The following FHIP1A variants were observed in gnomAD, a reference collection of about 807,000 sequenced individuals.
FHIP1A encodes FHF complex subunit HOOK-interacting protein 1A.
Under a neutral mutation model 88.6 loss-of-function variants are expected in FHIP1A, and 61 were observed. The observed-to-expected ratio is 0.69, with a 90% CI of 0.56 to 0.85. The LOEUF (loss-of-function observed/expected upper bound fraction) is 0.85, where lower values mean the gene tolerates loss of function less well. Among genes scored for constraint, FHIP1A ranks in the 40% least tolerant of loss-of-function variants. The pLI is 0.00. For missense variants in FHIP1A, 1,154 were observed against 1,273.5 expected, an observed-to-expected ratio of 0.91 and a Z score of 1.43; for synonymous variants, 478 against 496.0, an observed-to-expected ratio of 0.96 and a Z score of 0.48.
chr4:151,442,561 T>C (rs970436036), intron 1 of FHIP1A, among the ~76,000 whole-genome samples: 2 of 152,150 alleles, frequency 1.3e-5, no homozygotes, highest in Non-Finnish European at 2.9e-5. Flanking sequence ...ACATGACCTT[T>C]TGGTTTTAGG....
chr4:151,562,481 C>A (rs1733211627), intron 3 of FHIP1A, among the ~76,000 whole-genome samples: 2 of 152,164 alleles, frequency 1.3e-5, no homozygotes, highest in Non-Finnish European at 2.9e-5. Flanking sequence ...TATCCATGTT[C>A]ATTGGTTCAT....
At chr4:151,605,742 G>A (rs1735049185) in intron 7 of FHIP1A, among the ~76,000 whole-genome samples, 1 of 152,196 alleles carries the variant, frequency 6.6e-6, no homozygotes, top group South Asian at 2.1e-4. Context: ...CATCCTGCAA[G>A]CTCAATAATT....
rs1288156213 is a variant in FHIP1A at position 151,430,408 on chromosome 4, T to C, written c.-356+20943T>C. Among the ~76,000 whole-genome samples, 3 of 152,376 alleles carry C rather than the reference T, an allele frequency of 2.0e-5. No individual in the cohort carries two copies. The East Asian group carries it at 5.8e-4, about 29-fold the overall frequency. The stretch of plus-strand genomic sequence containing the variant: ...ACAGAACTGGGACCACATTCTTTCA[T>C]TGAAAAGCATCAGGGATTCTTGCCA... On this transcript the variant is annotated intron_variant, in intron 1 of 13. Transcript: ENST00000435205.
At chr4:151,502,401 G>A (rs990340232) in intron 3 of FHIP1A, among the ~76,000 whole-genome samples, 34 of 151,882 alleles carry the variant, frequency 2.2e-4, no homozygotes. Context: ...GGTAATATCA[G>A]TTTAAAAAAA....
At chr4:151,539,240 T>G (rs1489492276) in intron 3 of FHIP1A, among the ~76,000 whole-genome samples, 1 of 152,216 alleles carries the variant, frequency 6.6e-6, no homozygotes, top group African/African-American at 2.4e-5. Flanking sequence ...AGTTACTGTT[T>G]TAAGTTAGAG....
chr4:151,596,737 T>TC (rs1486301628), intron 7 of FHIP1A, among the ~76,000 whole-genome samples: 8 of 152,188 alleles, frequency 5.3e-5, no homozygotes, highest in African/African-American at 1.9e-4. Context: ...ATTCTTTTTT[T>TC]CTCTAATCTT....
intron 3 of FHIP1A, among the ~76,000 whole-genome samples, chr4:151,502,159 A>AAC (rs1436028058): frequency 6.8e-6 from 1 of 147,240 alleles, no homozygotes; most frequent in Non-Finnish European, 1.5e-5. Context: ...CTACAAAAGA[A>AAC]AAAAAAAAAA....
chr4:151,577,934 T>C lies in FHIP1A; in HGVS notation c.590T>C (p.Ile197Thr). The C allele has an allele frequency of 1.3e-6, 2 of 1,551,642 alleles. No individual in the cohort carries two copies. The highest frequency in any genetic ancestry group is 8.7e-7 in the Non-Finnish European group (1 of 1,146,988). Residue 197 changes from isoleucine to threonine, a missense_variant, in exon 5 of 14, where the codon ATC becomes ACC. Ile to Thr is a moderately conservative substitution (Grantham distance 89, BLOSUM62 -1). Coordinates refer to ENST00000435205, the MANE Select transcript of FHIP1A (RefSeq NM_001109977.3). Reference protein sequence around the residue: ...SEDQGAANFLIFSLLIPFIHR... With the variant: ...SEDQGAANFLTFSLLIPFIHR... ...GACCAAGGCGCTGCCAACTTCCTCA[T>C]CTTCTCCCTTCTGATTCCCTTCATT...
intron 1 of FHIP1A, among the ~76,000 whole-genome samples, chr4:151,439,360 T>A (rs1728323775): frequency 6.6e-6 from 1 of 152,188 alleles, no homozygotes; most frequent in South Asian, 2.1e-4. Context: ...TATATAAGTG[T>A]TTGCTGTTTT....
chr4:151,545,792 T>A (rs1490650663), intron 3 of FHIP1A, among the ~76,000 whole-genome samples: 4 of 152,184 alleles, frequency 2.6e-5, no homozygotes, highest in Non-Finnish European at 4.4e-5. Context: ...AAAATTTCCC[T>A]ATTAAAAAAA....
At chr4:151,483,581 T>C (rs1459953064) in intron 3 of FHIP1A, among the ~76,000 whole-genome samples, 1 of 152,092 alleles carries the variant, frequency 6.6e-6, no homozygotes, top group African/African-American at 2.4e-5. Flanking sequence ...CTATTTATGA[T>C]TGTGTGCTTT....
chr4:151,520,789 A>G (rs1357148585), intron 3 of FHIP1A, among the ~76,000 whole-genome samples: 1 of 152,186 alleles, frequency 6.6e-6, no homozygotes. Flanking sequence ...TCTAAATGTC[A>G]TTCATGGATT....
chr4:151,588,100 T>C (rs1245824346), intron 6 of FHIP1A, among the ~76,000 whole-genome samples: 1 of 152,098 alleles, frequency 6.6e-6, no homozygotes, highest in Admixed American at 6.5e-5. Context: ...GAAATTATAT[T>C]ATTTCATACT....
intron 1 of FHIP1A, among the ~76,000 whole-genome samples, chr4:151,422,377 A>T (rs931281280): frequency 2.8e-5 from 4 of 145,126 alleles, no homozygotes; most frequent in South Asian, 2.2e-4. Context: ...TTGAAAAAAA[A>T]AAATATATAT....
At chr4:151,426,109 G>T (rs900961905) in intron 1 of FHIP1A, among the ~76,000 whole-genome samples, 1 of 152,078 alleles carries the variant, frequency 6.6e-6, no homozygotes, top group Non-Finnish European at 1.5e-5. Flanking sequence ...AACAAGCGGG[G>T]CGGAGAGAGG....
chr4:151,490,244 G>A (rs756123440), intron 3 of FHIP1A, among the ~76,000 whole-genome samples: 19 of 152,256 alleles, frequency 1.2e-4, no homozygotes, highest in African/African-American at 2.4e-4. Flanking sequence ...AAGGACTCCC[G>A]CAGAGTCCAC....
intron 2 of FHIP1A, among the ~76,000 whole-genome samples, chr4:151,459,558 G>A (rs763140597): frequency 3.3e-5 from 5 of 152,250 alleles, no homozygotes; most frequent in South Asian, 2.1e-4. Context: ...ACTTTGCAGC[G>A]TTTCCATCTG....
chr4:151,517,954 A>C (rs1171168329), intron 3 of FHIP1A, among the ~76,000 whole-genome samples: 2 of 152,208 alleles, frequency 1.3e-5, no homozygotes, highest in Non-Finnish European at 2.9e-5. Context: ...ACAGTAAAAA[A>C]GTTATAGTAA....
At position 151,528,615 on chromosome 4, in the gene FHIP1A, G is replaced by A. The variant is rs530644983; in HGVS notation, c.-122-37523G>A. Among the ~76,000 whole-genome samples, 13 of 152,266 alleles carry A rather than the reference G, an allele frequency of 8.5e-5. No individual in the cohort carries two copies. The South Asian group carries it at 1.0e-3, about 12-fold the overall frequency. Reference sequence around the variant, plus strand: ...TAATGGCTCCTGCAGGATTGATACTGCTTGTTATTTTGACTGTCATTTTTT... The same window carrying A: ...TAATGGCTCCTGCAGGATTGATACTACTTGTTATTTTGACTGTCATTTTTT... On this transcript the variant is annotated intron_variant, in intron 3 of 13. Coordinates refer to ENST00000435205, the MANE Select transcript of FHIP1A (RefSeq NM_001109977.3).
Sources: allele counts gnomAD v4.1 joint callset (sites outside exome capture counted in the v4.1 genomes callset), GRCh38; gene constraint gnomAD v4.1.1; transcripts MANE v1.5; gene names NCBI Gene and HGNC (gene_info 2026-07-23, HGNC 2026-07-21).